PCDH11X: variants seen among roughly 807,000 people sequenced by gnomAD.
The protein encoded by PCDH11X is protocadherin-11 X-linked.
PCDH11X carries 18 observed loss-of-function variants against 53.3 expected under a neutral mutation model. The ratio of observed to expected loss-of-function variants is 0.34; its 90% CI spans 0.23 to 0.50. The LOEUF is 0.50. Ranked by LOEUF, PCDH11X falls within the 20% of genes least tolerant of loss-of-function variation. The probability of loss-of-function intolerance (pLI) is 0.98; values close to 1 mark genes in which losing one functional copy is unlikely to be tolerated. For synonymous variants in PCDH11X, 279 were observed against 393.3 expected (o/e 0.71, Z 3.44); for missense variants, 570 against 1,032.4 (o/e 0.55, Z 6.14).
chrX:92,519,591 G>A (rs1331623283), intron 10 of PCDH11X, among the ~76,000 whole-genome samples: 4 of 110,610 alleles, frequency 3.6e-5, no homozygotes, highest in Non-Finnish European at 5.7e-5. Context: ...TTAGAAAACA[G>A]AAATATCATA....
chrX:92,454,299 A>T (rs1359081751), intron 9 of PCDH11X, among the ~76,000 whole-genome samples: 1 of 108,540 alleles, frequency 9.2e-6, no homozygotes, highest in Non-Finnish European at 1.9e-5. Flanking sequence ...CTAAATACAT[A>T]TATATACACA....
intron 6 of PCDH11X, among the ~76,000 whole-genome samples, chrX:91,947,246 A>T (rs1368664318): frequency 1.8e-5 from 2 of 109,642 alleles, no homozygotes; most frequent in Non-Finnish European, 3.8e-5. Flanking sequence ...GACTCCAAGA[A>T]ATGATTATTA....
Position 92,084,591 on chromosome X carries a change from CA to C in PCDH11X, c.3034-116777del, listed in dbSNP as rs1429714102. Among the ~76,000 whole-genome samples the C allele has an allele frequency of 4.7e-4, 50 of 106,863 alleles. 2 individuals are homozygous for C. In the Admixed American group the frequency reaches 4.7e-3, roughly 10 times the overall value. 92.8% of individuals were successfully genotyped at this position (106,863 alleles called of 115,157 possible). On this transcript the variant is annotated intron_variant, in intron 6 of 10. Coordinates refer to ENST00000682573, the MANE Select transcript of PCDH11X (RefSeq NM_032968.5). ...ATATTAACTAACACTTCCAAAAGATCAAAAAAATTTACTTAAATAATTTACA... is the reference window on the plus strand; with the variant it reads ...ATATTAACTAACACTTCCAAAAGATCAAAAAATTTACTTAAATAATTTACA...
chrX:92,416,495 T>C (rs1378790665), intron 9 of PCDH11X, among the ~76,000 whole-genome samples: 1 of 109,185 alleles, frequency 9.2e-6, no homozygotes, highest in Non-Finnish European at 1.9e-5. Context: ...ATAAAAATTC[T>C]ACATATCCAA....
intron 10 of PCDH11X, among the ~76,000 whole-genome samples, chrX:92,546,520 A>G (rs1344631327): frequency 1.1e-4 from 12 of 110,598 alleles, no homozygotes; most frequent in Admixed American, 6.7e-4. Context: ...TGGATAGCAA[A>G]AAAATTGAAA....
chrX:91,984,992 C>T (rs1205571981), intron 6 of PCDH11X, among the ~76,000 whole-genome samples: 1 of 111,289 alleles, frequency 9.0e-6, no homozygotes, highest in Non-Finnish European at 1.9e-5. Context: ...CCTGCACACC[C>T]GCCACCACAA....
At chrX:91,983,663 G>A (rs761621492) in intron 6 of PCDH11X, among the ~76,000 whole-genome samples, 48 of 111,499 alleles carry the variant, frequency 4.3e-4, no homozygotes, top group African/African-American at 1.4e-3. Context: ...AGAACAGTAC[G>A]GGAAAGACCC....
At chrX:92,587,341 G>A (rs1924499849) in intron 10 of PCDH11X, among the ~76,000 whole-genome samples, 1 of 111,227 alleles carries the variant, frequency 9.0e-6, no homozygotes, top group Non-Finnish European at 1.9e-5. Flanking sequence ...CAAATTGATA[G>A]CGATTAGAAA....
intron 10 of PCDH11X, among the ~76,000 whole-genome samples, chrX:92,493,595 A>T (rs1206922734): frequency 9.2e-6 from 1 of 109,102 alleles, no homozygotes. Context: ...TGAAGAACGC[A>T]GAAACTAGAG....
rs1218976126 is a variant in PCDH11X, at chrX:92,389,282, G to T, written c.3343+1349G>T. Among the ~76,000 whole-genome samples, 4 of 111,015 alleles carry T rather than the reference G, an allele frequency of 3.6e-5. No individual in the cohort carries two copies. The East Asian group carries it at 1.1e-3, about 31-fold the overall frequency. On this transcript the variant is annotated intron_variant, in intron 9 of 10. Coordinates refer to ENST00000682573, the MANE Select transcript of PCDH11X (RefSeq NM_032968.5). ...TGACTCCTGGTAGAAATACATAGTTGTGATTATATTTACTTGTGTAATGAA... is the reference window on the plus strand; with the variant it reads ...TGACTCCTGGTAGAAATACATAGTTTTGATTATATTTACTTGTGTAATGAA...
intron 6 of PCDH11X, among the ~76,000 whole-genome samples, chrX:92,194,407 CTGAATATT>C (rs1482789090): frequency 4.5e-5 from 5 of 111,469 alleles, no homozygotes; most frequent in Non-Finnish European, 9.4e-5. Context: ...AACTCTTCCA[CTGAATATT>C]TGAAGCCCAT....
chrX:92,022,828 C>G lies in PCDH11X; in HGVS notation c.3033+143555C>G, dbSNP rs1388769257. Among the ~76,000 whole-genome samples, 3 of 111,304 alleles carry G rather than the reference C, an allele frequency of 2.7e-5. No homozygotes were observed. The East Asian group carries it at 8.5e-4, about 32-fold the overall frequency. Reference sequence around the variant, plus strand: ...GAAATCATAACAGTCTCTCAGACCACCGTGCAATCAAATTAAAACTCAGGA... The same window carrying G: ...GAAATCATAACAGTCTCTCAGACCAGCGTGCAATCAAATTAAAACTCAGGA... On this transcript the variant is annotated intron_variant, in intron 6 of 10. Coordinates refer to ENST00000682573, the MANE Select transcript of PCDH11X (RefSeq NM_032968.5).
chrX:92,274,007 G>C (rs2068019935), intron 8 of PCDH11X, among the ~76,000 whole-genome samples: 1 of 108,316 alleles, frequency 9.2e-6, no homozygotes, highest in African/African-American at 3.4e-5. Context: ...GTCAACAAGA[G>C]CAGGGCATGT....
At position 91,876,981 on chromosome X, in the gene PCDH11X, A is replaced by C; in HGVS notation, c.741A>C (p.Pro247=). The change falls in exon 6 of 11, where the codon CCA becomes CCC. Residue 247 remains proline, a synonymous_variant. Transcript: ENST00000682573. The part of the protein sequence containing the change: ...VSVTDTNDNH[P]VFKETEIEVS... ...TTACTGATACAAATGACAACCACCCAGTCTTTAAGGAGACAGAGATTGAAG... is the reference window on the plus strand; with the variant it reads ...TTACTGATACAAATGACAACCACCCCGTCTTTAAGGAGACAGAGATTGAAG... 1 of 1,210,481 alleles carries C rather than the reference A, an allele frequency of 8.3e-7. No individual in the cohort carries two copies.
intron 10 of PCDH11X, among the ~76,000 whole-genome samples, chrX:92,565,466 A>G (rs181309930): frequency 0.028 from 2,829 of 100,119 alleles, 83 homozygotes; most frequent in Non-Finnish European, 0.047. Flanking sequence ...TTAAAGAATG[A>G]GATCCAATCA....
chrX:91,795,953 A>G (rs1935719713), intron 1 of PCDH11X, among the ~76,000 whole-genome samples: 1 of 112,067 alleles, frequency 8.9e-6, no homozygotes, highest in Middle Eastern at 4.3e-3. Context: ...CCCATTTCAA[A>G]TATTTTAAAG....
chrX:92,601,824 A>T (rs1185848654), intron 10 of PCDH11X, among the ~76,000 whole-genome samples: 1 of 110,592 alleles, frequency 9.0e-6, no homozygotes, highest in African/African-American at 3.3e-5. Flanking sequence ...TCATTCAAAA[A>T]TGCAGAACTC....
At chrX:92,218,256 G>C (rs2066766865) in intron 7 of PCDH11X, among the ~76,000 whole-genome samples, 1 of 109,878 alleles carries the variant, frequency 9.1e-6, no homozygotes, top group African/African-American at 3.3e-5. Flanking sequence ...ATGAATCCAG[G>C]AGCTGGTTTT....
At chrX:91,920,611 TTG>T (rs1328697333) in intron 6 of PCDH11X, among the ~76,000 whole-genome samples, 2 of 111,496 alleles carry the variant, frequency 1.8e-5, no homozygotes, top group Non-Finnish European at 3.8e-5. Flanking sequence ...AAATCAAGAA[TTG>T]TGTCTTTATT....
Sources: gnomAD v4.1 joint callset for allele counts (sites outside exome capture counted in the v4.1 genomes callset) on GRCh38, gnomAD v4.1.1 for gene constraint, MANE v1.5 for transcripts, NCBI Gene and HGNC (gene_info 2026-07-23, HGNC 2026-07-21) for gene names.